The following FMN1 variants were observed in gnomAD, a reference collection of about 807,000 sequenced individuals.
FMN1 encodes the protein formin-1.
In FMN1, 110 loss-of-function variants were observed where a neutral mutation model predicts 132.4. The observed-to-expected ratio is 0.83, with a 90% confidence interval of 0.71 to 0.97. The LOEUF (loss-of-function observed/expected upper bound fraction) is 0.97, where lower values mean the gene tolerates loss of function less well. FMN1 is among the 50% of genes least tolerant of loss of function. The probability of loss-of-function intolerance (pLI) is 0.00; values close to 1 mark genes in which losing one functional copy is unlikely to be tolerated. For synonymous variants in FMN1, 722 were observed against 651.7 expected (o/e 1.11, Z -1.64); for missense variants, 1,792 against 1,705.3 (o/e 1.05, Z -0.90).
chr15:32,997,853 G>T (rs988381363), intron 7 of FMN1, among the ~76,000 whole-genome samples: 5 of 152,196 alleles, frequency 3.3e-5, no homozygotes, highest in African/African-American at 1.2e-4. Flanking sequence ...GGAAGAAAGG[G>T]AAAGGGCAAG....
Position 33,174,649 on chromosome 15 carries a change from T to C in FMN1, c.-132+5549A>G, listed in dbSNP as rs541610458. On this transcript the variant is annotated intron_variant, in intron 3 of 20. Transcript: ENST00000616417. The stretch of plus-strand genomic sequence containing the variant: ...ACACATAATTTGATCCACTGATACT[T>C]AAGGGATCAATCAAGTGTTTCTAGC... Among the ~76,000 whole-genome samples, 3 of 152,342 alleles carry C rather than the reference T, an allele frequency of 2.0e-5. 1 individual carries two copies. The highest frequency in any genetic ancestry group is 4.1e-4 in the South Asian group (2 of 4,824).
rs147564255 is a variant in FMN1, at chr15:33,128,123, T to G, written c.1867+24925A>C. 7.4e-4 allele frequency among the ~76,000 whole-genome samples: 112 copies of G among 152,022 alleles called. 1 individual carries two copies. The highest frequency in any genetic ancestry group is 1.1e-3 in the Non-Finnish European group (78 of 67,952). On this transcript the variant is annotated intron_variant, in intron 4 of 20. Transcript: ENST00000616417. ...CCAGAAGAAGGGAGAGGAGACACCA[T>G]GGTGATGGGAGCAGTAGAGAGTGTA...
chr15:32,929,074 G>C (rs559504980), intron 9 of FMN1, among the ~76,000 whole-genome samples: 65 of 152,312 alleles, frequency 4.3e-4, no homozygotes, highest in African/African-American at 1.5e-3. Context: ...GCACAACCAG[G>C]TATTTGCTGA....
At chr15:33,034,605 CT>C (rs1237677355) in intron 6 of FMN1, among the ~76,000 whole-genome samples, 1 of 152,058 alleles carries the variant, frequency 6.6e-6, no homozygotes, top group Admixed American at 6.6e-5. Flanking sequence ...GATGTCATCC[CT>C]TACTCTTCTC....
chr15:32,841,956 A>C (rs1328013036), intron 17 of FMN1, among the ~76,000 whole-genome samples: 2 of 152,198 alleles, frequency 1.3e-5, no homozygotes, highest in African/African-American at 4.8e-5. Context: ...CACAAATCTG[A>C]GGAACGATCA....
intron 9 of FMN1, among the ~76,000 whole-genome samples, chr15:32,959,984 T>C (rs909492451): frequency 6.6e-6 from 1 of 152,216 alleles, no homozygotes; most frequent in Non-Finnish European, 1.5e-5. Flanking sequence ...CAAACTGAAG[T>C]TGGCTTTGGA....
chr15:33,113,322 G>A (rs2039784421), intron 4 of FMN1, among the ~76,000 whole-genome samples: 3 of 152,190 alleles, frequency 2.0e-5, no homozygotes, highest in African/African-American at 2.4e-5. Flanking sequence ...TGTAACGTAG[G>A]TCCACTACAA....
At chr15:32,853,727 C>T (rs1233205635) in intron 17 of FMN1, among the ~76,000 whole-genome samples, 1 of 152,182 alleles carries the variant, frequency 6.6e-6, no homozygotes, top group Non-Finnish European at 1.5e-5. Flanking sequence ...AACCCTAAAC[C>T]ATACATTTCA....
chr15:33,040,687 T>G (rs191868563), intron 6 of FMN1, among the ~76,000 whole-genome samples: 2 of 152,370 alleles, frequency 1.3e-5, no homozygotes, highest in African/African-American at 4.8e-5. Context: ...GAATATGTGC[T>G]CTAACAAAAT....
chr15:32,983,566 T>G lies in FMN1; in HGVS notation c.2224-14089A>C, dbSNP rs532077353. ...ATTGATATTATAAGTGAAACATATATGTTAGATGAATTAAAAATTGTAAAA... is the reference window on the plus strand; with the variant it reads ...ATTGATATTATAAGTGAAACATATAGGTTAGATGAATTAAAAATTGTAAAA... On this transcript the variant is annotated intron_variant, in intron 7 of 20. Transcript: ENST00000616417. Among the ~76,000 whole-genome samples, 4 of 152,300 alleles carry G rather than the reference T, an allele frequency of 2.6e-5. 1 individual carries two copies. In the South Asian group the frequency reaches 6.2e-4, roughly 24 times the overall value.
At chr15:33,060,549 G>A (rs2037434498) in intron 6 of FMN1, among the ~76,000 whole-genome samples, 1 of 152,138 alleles carries the variant, frequency 6.6e-6, no homozygotes, top group African/African-American at 2.4e-5. Context: ...AGGTTCTGAG[G>A]AAAGATGTGT....
intron 17 of FMN1, among the ~76,000 whole-genome samples, chr15:32,810,742 T>C (rs963865261): frequency 1.3e-5 from 2 of 152,302 alleles, no homozygotes; most frequent in African/African-American, 4.8e-5. Flanking sequence ...GTCCTATTTA[T>C]GGATGCCCAT....
intron 17 of FMN1, among the ~76,000 whole-genome samples, chr15:32,849,213 G>A (rs536153611): frequency 4.7e-4 from 70 of 150,052 alleles, no homozygotes; most frequent in Non-Finnish European, 9.2e-4. Context: ...GGATGGTCTC[G>A]GTCTCCTGAC....
At chr15:33,163,503 A>G (rs1964977868) in intron 3 of FMN1, among the ~76,000 whole-genome samples, 1 of 151,888 alleles carries the variant, frequency 6.6e-6, no homozygotes, top group African/African-American at 2.4e-5. Context: ...CATGTTGGTC[A>G]GGCTAGTCTT....
intron 4 of FMN1, among the ~76,000 whole-genome samples, chr15:33,097,643 C>CA (rs1206174207): frequency 1.3e-5 from 2 of 152,046 alleles, no homozygotes; most frequent in Non-Finnish European, 2.9e-5. Flanking sequence ...GGGAGGAGGG[C>CA]AGACAGAGAG....
At chr15:32,886,365 A>G (rs1018683563) in intron 16 of FMN1, among the ~76,000 whole-genome samples, 6 of 152,196 alleles carry the variant, frequency 3.9e-5, no homozygotes, top group Non-Finnish European at 8.8e-5. Context: ...TTTCTTTCCT[A>G]AGGCCGCTCT....
chr15:32,790,812 A>G (rs1294109201), intron 19 of FMN1, among the ~76,000 whole-genome samples: 5 of 152,224 alleles, frequency 3.3e-5, no homozygotes, highest in Admixed American at 2.0e-4. Flanking sequence ...AGAATGCACC[A>G]TACAAGACAC....
chr15:32,991,246 T>C (rs1250613926), intron 7 of FMN1, among the ~76,000 whole-genome samples: 2 of 152,186 alleles, frequency 1.3e-5, no homozygotes, highest in Non-Finnish European at 2.9e-5. Flanking sequence ...GGTCCCTGAT[T>C]TCGCTGTCTT....
chr15:32,859,401 A>C (rs933292550), intron 16 of FMN1, among the ~76,000 whole-genome samples: 1 of 152,196 alleles, frequency 6.6e-6, no homozygotes, highest in African/African-American at 2.4e-5. Context: ...AAGCTGTTCA[A>C]TGTTTTCCAG....
Sources: allele counts gnomAD v4.1 joint callset (sites outside exome capture counted in the v4.1 genomes callset), GRCh38; gene constraint gnomAD v4.1.1; transcripts MANE v1.5; gene names NCBI Gene and HGNC (gene_info 2026-07-23, HGNC 2026-07-21).